PTK2: variants seen among roughly 807,000 people sequenced by gnomAD.
PTK2 encodes the protein focal adhesion kinase 1.
Under a neutral mutation model 150.1 loss-of-function variants are expected in PTK2, and 45 were observed. The observed-to-expected ratio is 0.30, with a 90% CI of 0.24 to 0.38. The LOEUF (loss-of-function observed/expected upper bound fraction) is 0.38, where lower values mean the gene tolerates loss of function less well. PTK2 is among the 10% of genes least tolerant of loss of function. PTK2 has a pLI of 1.00. For missense variants in PTK2, 919 were observed against 1,307.3 expected (o/e 0.70, Z 4.58); for synonymous variants, 432 against 449.2 (o/e 0.96, Z 0.48).
intron 1 of PTK2, among the ~76,000 whole-genome samples, chr8:140,947,057 A>G (rs527718775): frequency 2.0e-5 from 3 of 152,198 alleles, no homozygotes; most frequent in Non-Finnish European, 2.9e-5. Context: ...GCACCAGACA[A>G]AACATCATTA....
intron 1 of PTK2, among the ~76,000 whole-genome samples, chr8:140,933,127 AGG>A (rs956866209): frequency 3.3e-5 from 5 of 151,744 alleles, no homozygotes; most frequent in African/African-American, 1.2e-4. Flanking sequence ...CTGGGATTAT[AGG>A]TGTGAGCCAC....
At chr8:140,846,109 CAATT>C (rs779472133) in intron 7 of PTK2, 147 bp downstream of exon 7, 67 of 585,534 alleles carry the variant, frequency 1.1e-4, no homozygotes, top group African/African-American at 7.4e-4. Flanking sequence ...TTTATTAACA[CAATT>C]AATGTCATCA....
intron 22 of PTK2, among the ~76,000 whole-genome samples, chr8:140,722,844 T>A (rs2100043768): frequency 6.6e-6 from 1 of 152,202 alleles, no homozygotes; most frequent in Non-Finnish European, 1.5e-5. Context: ...TTTCTTCTAC[T>A]CCTTCAAATA....
intron 1 of PTK2, among the ~76,000 whole-genome samples, chr8:140,938,898 C>T (rs760199329): frequency 6.6e-6 from 1 of 152,054 alleles, no homozygotes; most frequent in Non-Finnish European, 1.5e-5. Flanking sequence ...ATGTCAACTA[C>T]TCAGGAGGCT....
intron 8 of PTK2, among the ~76,000 whole-genome samples, chr8:140,827,362 T>C (rs1309456676): frequency 6.6e-6 from 1 of 151,918 alleles, no homozygotes; most frequent in Non-Finnish European, 1.5e-5. Flanking sequence ...TCGCTGTTTC[T>C]AGGGTGTGAG....
chr8:140,671,240 T>A (rs1173517823), intron 29 of PTK2, among the ~76,000 whole-genome samples: 1 of 152,226 alleles, frequency 6.6e-6, no homozygotes, highest in Non-Finnish European at 1.5e-5. Context: ...TAGTTTTTTT[T>A]AGGCAGAATC....
chr8:140,892,076 C>T (rs749560524), intron 2 of PTK2, among the ~76,000 whole-genome samples: 2 of 152,090 alleles, frequency 1.3e-5, no homozygotes, highest in Non-Finnish European at 2.9e-5. Flanking sequence ...GGCGTGGTAG[C>T]GTGTTCCTGT....
At chr8:140,698,249 A>G (rs1198327742) in intron 26 of PTK2, among the ~76,000 whole-genome samples, 1 of 152,180 alleles carries the variant, frequency 6.6e-6, no homozygotes, top group East Asian at 1.9e-4. Flanking sequence ...AAATGCAGTC[A>G]TACGTGGGAC....
intron 2 of PTK2, among the ~76,000 whole-genome samples, chr8:140,919,502 T>C (rs1462132791): frequency 9.7e-6 from 1 of 103,400 alleles, no homozygotes; most frequent in Non-Finnish European, 2.2e-5. Context: ...GAATACAGCT[T>C]AGGCTTTGTG....
chr8:140,691,502 C>CT (rs1001046199), intron 26 of PTK2, among the ~76,000 whole-genome samples: 24 of 152,302 alleles, frequency 1.6e-4, no homozygotes, highest in African/African-American at 5.3e-4. Context: ...CTCCTCCTCC[C>CT]TTTCCCCAAA....
chr8:140,693,146 TCTAA>T (rs1456735305), intron 26 of PTK2, among the ~76,000 whole-genome samples: 1 of 152,136 alleles, frequency 6.6e-6, no homozygotes, highest in African/African-American at 2.4e-5. Context: ...CAACTGAGGT[TCTAA>T]CTAAGGTTGC....
chr8:140,692,235 T>C (rs1272790282), intron 26 of PTK2, among the ~76,000 whole-genome samples: 2 of 152,226 alleles, frequency 1.3e-5, no homozygotes, highest in Admixed American at 6.5e-5. Flanking sequence ...CTTTTTCTTT[T>C]CATAGAGCAT....
intron 2 of PTK2, among the ~76,000 whole-genome samples, chr8:140,915,033 C>CAAAAA (rs10661609): frequency 8.9e-4 from 47 of 53,042 alleles, no homozygotes; most frequent in Non-Finnish European, 9.3e-4. Flanking sequence ...AACTCCAACT[C>CAAAAA]AAAAAAAAAA....
At chr8:140,796,065 C>T (rs2100091393) in intron 12 of PTK2, among the ~76,000 whole-genome samples, 1 of 152,208 alleles carries the variant, frequency 6.6e-6, no homozygotes, top group African/African-American at 2.4e-5. Flanking sequence ...TACGGTAAGA[C>T]TTAAGCTGCC....
At chr8:140,879,521 G>A in exon 4 of PTK2, 2 of 1,613,444 alleles carry the variant, frequency 1.2e-6, no homozygotes, top group African/African-American at 2.7e-5. Flanking sequence ...TCACACTGGA[G>A]ACGCCCATAT....
At chr8:140,793,509 T>C (rs976428540) in intron 12 of PTK2, 125 bp from the exon 13 acceptor site, 6 of 957,240 alleles carry the variant, frequency 6.3e-6, no homozygotes, top group African/African-American at 1.7e-5. Flanking sequence ...TTAAAGAAAG[T>C]TGCTACACTG....
intron 11 of PTK2, among the ~76,000 whole-genome samples, chr8:140,803,285 ACCGCG>A (rs1472871017): frequency 6.6e-6 from 1 of 152,052 alleles, no homozygotes; most frequent in Non-Finnish European, 1.5e-5. Flanking sequence ...GGTGTGGGCC[ACCGCG>A]CCTGGCCTGA....
intron 9 of PTK2, 35 bp downstream of exon 9, chr8:140,818,845 A>G: frequency 6.3e-7 from 1 of 1,598,756 alleles, no homozygotes; most frequent in Non-Finnish European, 8.5e-7. Context: ...AGTAAAATCA[A>G]ACTAGCCCAC....
intron 1 of PTK2, among the ~76,000 whole-genome samples, chr8:140,963,914 C>G (rs2100184292): frequency 6.6e-6 from 1 of 152,176 alleles, no homozygotes; most frequent in African/African-American, 2.4e-5. Flanking sequence ...AACCAAACCA[C>G]TAGCTTCCTA....
Sources: gnomAD v4.1 joint callset for allele counts (sites outside exome capture counted in the v4.1 genomes callset) on GRCh38, gnomAD v4.1.1 for gene constraint, MANE v1.5 for transcripts, NCBI Gene and HGNC (gene_info 2026-07-23, HGNC 2026-07-21) for gene names.